Variants in XKR9 observed in about 807,000 individuals in gnomAD.
The protein encoded by XKR9 is XK related 9.
A neutral mutation model predicts 32.0 loss-of-function variants in XKR9; 32 were observed. The ratio of observed to expected loss-of-function variants is 1.00; its 90% CI spans 0.76 to 1.34. The LOEUF (loss-of-function observed/expected upper bound fraction) is 1.34, where lower values mean the gene tolerates loss of function less well. XKR9 is among the 40% of genes most tolerant of loss of function. XKR9 has a pLI of 0.00. For synonymous variants in XKR9, 168 were observed against 143.4 expected, an observed-to-expected ratio of 1.17 and a Z score of -1.22; for missense variants, 546 against 429.7, an observed-to-expected ratio of 1.27 and a Z score of -2.39.
chr8:70,745,590 A>T (rs920246795), intron 2 of XKR9, among the ~76,000 whole-genome samples: 2 of 152,146 alleles, frequency 1.3e-5, no homozygotes, highest in Non-Finnish European at 2.9e-5. Context: ...TGCGTGTTTA[A>T]AAAAGTTCCC....
intron 2 of XKR9, among the ~76,000 whole-genome samples, chr8:70,768,442 G>T (rs965294900): frequency 1.4e-4 from 22 of 152,122 alleles, no homozygotes; most frequent in Admixed American, 1.4e-3. Flanking sequence ...AGGTCCTCTT[G>T]GTCCAGAGCT....
chr8:70,746,695 A>G (rs1380069405), intron 2 of XKR9, among the ~76,000 whole-genome samples: 1 of 151,752 alleles, frequency 6.6e-6, no homozygotes, highest in African/African-American at 2.4e-5. Context: ...TGATAGTGCT[A>G]TGGTTTGAAT....
At chr8:70,817,882 A>T in the XKR9 span, among the ~76,000 whole-genome samples, 2 of 152,202 alleles carry the variant, frequency 1.3e-5, no homozygotes, top group Admixed American at 1.3e-4. Flanking sequence ...ATATTCAATA[A>T]ACGGTGCTGT....
chr8:70,877,591 G>T, the XKR9 span, among the ~76,000 whole-genome samples: 1 of 152,100 alleles, frequency 6.6e-6, no homozygotes, highest in Non-Finnish European at 1.5e-5. Flanking sequence ...ATGAAATAAA[G>T]CAAGAAAACA....
At chr8:70,856,817 A>T in the XKR9 span, among the ~76,000 whole-genome samples, 28 of 152,262 alleles carry the variant, frequency 1.8e-4, no homozygotes, top group African/African-American at 6.7e-4. Flanking sequence ...GGATTAAGAA[A>T]CTCACTCAAA....
chr8:71,007,120 C>A, the XKR9 span, among the ~76,000 whole-genome samples: 1 of 152,044 alleles, frequency 6.6e-6, no homozygotes, highest in Non-Finnish European at 1.5e-5. Context: ...TCAATGTCCG[C>A]GATTATACCT....
At chr8:70,926,054 A>T in the XKR9 span, among the ~76,000 whole-genome samples, 2 of 152,136 alleles carry the variant, frequency 1.3e-5, no homozygotes, top group Non-Finnish European at 2.9e-5. Flanking sequence ...AATATACCAC[A>T]TATATTATAA....
chr8:70,746,467 AATT>A (rs564512353), intron 2 of XKR9, among the ~76,000 whole-genome samples: 79 of 148,242 alleles, frequency 5.3e-4, no homozygotes, highest in African/African-American at 1.9e-3. Flanking sequence ...TATAAAATAT[AATT>A]ATATATTATA....
At chr8:70,890,418 C>T in the XKR9 span, among the ~76,000 whole-genome samples, 3 of 151,922 alleles carry the variant, frequency 2.0e-5, no homozygotes, top group Admixed American at 6.6e-5. Context: ...AACTTTTCCC[C>T]TTTCAGTATA....
At chr8:71,037,150 A>G in the XKR9 span, among the ~76,000 whole-genome samples, 1 of 152,164 alleles carries the variant, frequency 6.6e-6, no homozygotes, top group Non-Finnish European at 1.5e-5. Flanking sequence ...GAATTCCAGA[A>G]GGTGGCTTTT....
chr8:70,967,880 T>C, the XKR9 span, among the ~76,000 whole-genome samples: 1 of 152,154 alleles, frequency 6.6e-6, no homozygotes, highest in African/African-American at 2.4e-5. Context: ...TTTTCTTGCA[T>C]TCTGACCTTG....
chr8:70,887,164 A>G, the XKR9 span, among the ~76,000 whole-genome samples: 1 of 152,104 alleles, frequency 6.6e-6, no homozygotes, highest in East Asian at 1.9e-4. Flanking sequence ...TCTCAGCACT[A>G]TTTGTTAAAT....
At chr8:70,773,396 T>TCATAGAG (rs1220184796) in intron 2 of XKR9, among the ~76,000 whole-genome samples, 2 of 152,192 alleles carry the variant, frequency 1.3e-5, no homozygotes, top group Non-Finnish European at 1.5e-5. Flanking sequence ...CTGGCCATGG[T>TCATAGAG]CATAGAGCAT....
chr8:70,777,838 A>G (rs1807553959), intron 2 of XKR9, among the ~76,000 whole-genome samples: 1 of 152,004 alleles, frequency 6.6e-6, no homozygotes, highest in Non-Finnish European at 1.5e-5. Context: ...AATTCTTTGT[A>G]GATTCTGGAT....
the XKR9 span, among the ~76,000 whole-genome samples, chr8:70,872,594 G>C: frequency 6.6e-6 from 1 of 152,148 alleles, no homozygotes; most frequent in South Asian, 2.1e-4. Flanking sequence ...AGATATAAAG[G>C]AGAAATCAAT....
chr8:70,834,032 G>A, the XKR9 span, among the ~76,000 whole-genome samples: 1 of 152,012 alleles, frequency 6.6e-6, no homozygotes, highest in African/African-American at 2.4e-5. Flanking sequence ...TTTAAAATAT[G>A]GAATATTACT....
At chr8:70,853,662 GC>G in the XKR9 span, among the ~76,000 whole-genome samples, 3 of 151,854 alleles carry the variant, frequency 2.0e-5, no homozygotes, top group Admixed American at 2.0e-4. Context: ...ATCTCCTAAT[GC>G]TATCCCTCCC....
chr8:70,734,636 C>A lies in XKR9; in HGVS notation c.*212C>A. On this transcript the variant is annotated 3_prime_UTR_variant, in exon 5 of 5. Coordinates refer to ENST00000408926, the MANE Select transcript of XKR9 (RefSeq NM_001011720.2). ...GAGTACTCAGATATCTTTCTACTGC[C>A]TGGTAGAGCTGCCATCTTGAGCCTG... is the stretch of plus-strand genomic sequence containing the variant. The A allele has an allele frequency of 2.3e-6, 1 of 440,548 alleles. No homozygotes were observed. Among genetic ancestry groups the A allele is most frequent in the African/African-American group, 2.1e-5 (1 of 47,920 alleles). The allele number at this position is 440,548 out of a possible 1,614,324, so 27.3% of individuals were successfully genotyped here. A position where few individuals can be genotyped will look rare whatever the true frequency, so the allele number is the denominator to read the frequency against.
At chr8:70,883,246 C>T in the XKR9 span, among the ~76,000 whole-genome samples, 1 of 151,976 alleles carries the variant, frequency 6.6e-6, no homozygotes, top group Non-Finnish European at 1.5e-5. Context: ...TTTTCCATTT[C>T]AGAGTTACTT....
Sources: gnomAD v4.1 joint callset for allele counts (sites outside exome capture counted in the v4.1 genomes callset) on GRCh38, gnomAD v4.1.1 for gene constraint, MANE v1.5 for transcripts, NCBI Gene and HGNC (gene_info 2026-07-23, HGNC 2026-07-21) for gene names.